FRMPD4: variants seen among roughly 807,000 people sequenced by gnomAD.
FRMPD4 encodes FERM and PDZ domain-containing protein 4.
In FRMPD4, 22 loss-of-function variants were observed where a neutral mutation model predicts 94.1. The ratio of observed to expected loss-of-function variants is 0.23; its 90% CI spans 0.17 to 0.33. The LOEUF is 0.33. Among genes scored for constraint, FRMPD4 ranks in the 10% least tolerant of loss-of-function variants. The pLI, the probability that FRMPD4 is intolerant of heterozygous loss-of-function variation, is 1.00. For missense variants in FRMPD4, 1,111 were observed against 1,339.9 expected, an observed-to-expected ratio of 0.83 and a Z score of 2.67; for synonymous variants, 631 against 548.6, an observed-to-expected ratio of 1.15 and a Z score of -2.10.
intron 1 of FRMPD4, among the ~76,000 whole-genome samples, chrX:12,192,676 A>T (rs1283688196): frequency 8.9e-6 from 1 of 112,017 alleles, no homozygotes; most frequent in Non-Finnish European, 1.9e-5. Context: ...CAAATATTGA[A>T]GAACAGTGAT....
At chrX:11,926,568 T>C (rs1324009070) in intron 3 of FRMPD4, among the ~76,000 whole-genome samples, 2 of 112,112 alleles carry the variant, frequency 1.8e-5, no homozygotes, top group African/African-American at 6.5e-5. Flanking sequence ...TACAATCAAG[T>C]AGGCTTTATC....
At chrX:11,845,408 G>A (rs181568185) in intron 1 of FRMPD4, among the ~76,000 whole-genome samples, 1 of 111,257 alleles carries the variant, frequency 9.0e-6, no homozygotes, top group African/African-American at 3.3e-5. Flanking sequence ...ACCAAAAAGA[G>A]TCCAGGACCA....
rs916078267 is a variant in FRMPD4, at chrX:11,942,877, C to A, written c.95+64859C>A. 2.7e-5 allele frequency among the ~76,000 whole-genome samples: 3 copies of A among 111,819 alleles called. No homozygotes were observed. In the Admixed American group the frequency reaches 2.9e-4, roughly 11 times the overall value. On this transcript the variant is annotated intron_variant, in intron 3 of 18. Coordinates refer to the FRMPD4 transcript ENST00000640291. ...ACTCCCCATTCCCCTCTCCTCCTAA[C>A]CCCTGGCAACCAAGTACCAGACTTA...
chrX:12,396,067 C>A, intron 1 of FRMPD4: 1 of 121,307 alleles, frequency 8.2e-6, no homozygotes, highest in Non-Finnish European at 1.7e-5. Flanking sequence ...CTTGATGGCC[C>A]GGGCAATTTC....
At chrX:12,611,878 T>TAA (rs35631024) in intron 3 of FRMPD4, among the ~76,000 whole-genome samples, 67 of 97,188 alleles carry the variant, frequency 6.9e-4, no homozygotes, top group Middle Eastern at 5.3e-3. Flanking sequence ...ACATGCTTTG[T>TAA]AAAAAAAAAA....
chrX:12,092,358 T>C (rs780190913), intron 3 of FRMPD4, among the ~76,000 whole-genome samples: 1 of 112,366 alleles, frequency 8.9e-6, no homozygotes, highest in Non-Finnish European at 1.9e-5. Flanking sequence ...GAAACTTTGA[T>C]GTTTTCCTCG....
intron 3 of FRMPD4, among the ~76,000 whole-genome samples, chrX:12,130,353 C>T (rs1052274890): frequency 9.0e-6 from 1 of 111,089 alleles, no homozygotes; most frequent in Non-Finnish European, 1.9e-5. Context: ...GCTTGATGAC[C>T]TCATTTAGAG....
intron 3 of FRMPD4, among the ~76,000 whole-genome samples, chrX:11,921,579 G>A (rs1415345772): frequency 1.8e-5 from 2 of 112,001 alleles, no homozygotes; most frequent in Non-Finnish European, 3.8e-5. Context: ...TGTAATAGAT[G>A]CTGTATCTTA....
At chrX:12,109,884 C>T (rs1300925688) in intron 3 of FRMPD4, among the ~76,000 whole-genome samples, 2 of 111,333 alleles carry the variant, frequency 1.8e-5, no homozygotes, top group East Asian at 5.6e-4. Flanking sequence ...AAGTTGAATC[C>T]CGGAATTGAC....
chrX:12,249,058 C>T (rs1051377386), intron 1 of FRMPD4, among the ~76,000 whole-genome samples: 1 of 112,574 alleles, frequency 8.9e-6, no homozygotes, highest in Non-Finnish European at 1.9e-5. Context: ...ACAAACAAAA[C>T]AAATATACTG....
intron 1 of FRMPD4, among the ~76,000 whole-genome samples, chrX:12,277,116 G>T (rs1237281190): frequency 1.4e-5 from 1 of 72,021 alleles, no homozygotes; most frequent in African/African-American, 6.3e-5. Context: ...GCGAGACTCC[G>T]TCTCAAAAAA....
rs762686035 is a variant in FRMPD4 at position 12,335,105 on chromosome X, G to A, written c.42-163575G>A. Among the ~76,000 whole-genome samples, 8 of 110,239 alleles carry A rather than the reference G, an allele frequency of 7.3e-5. No homozygotes were observed. In the South Asian group the frequency reaches 3.1e-3, roughly 43 times the overall value. On this transcript the variant is annotated intron_variant, in intron 1 of 16. Transcript: ENST00000675598. The stretch of plus-strand genomic sequence containing the variant: ...GCATTTCATTCAGAGCTCTGTATTA[G>A]GATATGCATCCTTCTTTTTTTCTTT...
intron 3 of FRMPD4, among the ~76,000 whole-genome samples, chrX:11,880,141 A>G (rs999498848): frequency 1.8e-5 from 2 of 110,367 alleles, no homozygotes; most frequent in Non-Finnish European, 3.8e-5. Flanking sequence ...AATGGTTAGG[A>G]CCGTGTTTTC....
chrX:11,932,121 T>A (rs375800626), intron 3 of FRMPD4, among the ~76,000 whole-genome samples: 2 of 111,869 alleles, frequency 1.8e-5, no homozygotes, highest in East Asian at 5.5e-4. Context: ...GGAAGACTCA[T>A]TGTTTGTCCA....
At chrX:11,848,150 A>G (rs936260910) in intron 1 of FRMPD4, among the ~76,000 whole-genome samples, 4 of 111,311 alleles carry the variant, frequency 3.6e-5, no homozygotes, top group Non-Finnish European at 5.7e-5. Flanking sequence ...AATATATTAT[A>G]GCCACTCTGA....
chrX:12,708,201 G>A (rs759099798), intron 13 of FRMPD4, among the ~76,000 whole-genome samples: 3 of 111,563 alleles, frequency 2.7e-5, no homozygotes, highest in Non-Finnish European at 3.8e-5. Flanking sequence ...GCCAGGTGCG[G>A]TGGCTGATGC....
intron 4 of FRMPD4, among the ~76,000 whole-genome samples, chrX:12,665,058 A>G (rs2059761120): frequency 9.0e-6 from 1 of 111,012 alleles, no homozygotes; most frequent in Non-Finnish European, 1.9e-5. Flanking sequence ...TATCCCCTTT[A>G]TAATTTTTTG....
At chrX:12,694,992 A>T (rs1439019376) in intron 9 of FRMPD4, among the ~76,000 whole-genome samples, 1 of 111,708 alleles carries the variant, frequency 9.0e-6, no homozygotes, top group Non-Finnish European at 1.9e-5. Context: ...TTATATATAC[A>T]TTTTTTCTAG....
chrX:12,214,400 A>G (rs1174097567), intron 1 of FRMPD4, among the ~76,000 whole-genome samples: 1 of 111,611 alleles, frequency 9.0e-6, no homozygotes, highest in Non-Finnish European at 1.9e-5. Flanking sequence ...TGTCATAGGA[A>G]CTCTATCTGT....
Sources: gnomAD v4.1 joint callset for allele counts (sites outside exome capture counted in the v4.1 genomes callset) on GRCh38, gnomAD v4.1.1 for gene constraint, MANE v1.5 for transcripts, NCBI Gene and HGNC (gene_info 2026-07-23, HGNC 2026-07-21) for gene names.